Variants in CHRM3 observed in about 807,000 individuals in gnomAD.
The protein encoded by CHRM3 is cholinergic receptor muscarinic 3, also known as muscarinic acetylcholine receptor M3.
CHRM3 carries 11 observed loss-of-function variants against 41.8 expected under a neutral mutation model. The ratio of observed to expected loss-of-function variants is 0.26; its 90% confidence interval spans 0.17 to 0.44. The LOEUF is 0.44. CHRM3 is among the 20% of genes least tolerant of loss of function. CHRM3 has a pLI of 1.00. For synonymous variants in CHRM3, 297 were observed against 301.4 expected (o/e 0.99, Z 0.15); for missense variants, 571 against 745.4 (o/e 0.77, Z 2.72).
intron 2 of CHRM3, among the ~76,000 whole-genome samples, chr1:239,533,731 CAAA>C (rs61441846): frequency 2.7e-5 from 1 of 37,062 alleles, no homozygotes. Context: ...AACTCTGTCT[CAAA>C]AAAAAAAAAA....
At chr1:239,617,336 T>C (rs900356581) in intron 3 of CHRM3, among the ~76,000 whole-genome samples, 2 of 152,168 alleles carry the variant, frequency 1.3e-5, no homozygotes, top group Non-Finnish European at 2.9e-5. Flanking sequence ...TAGTGTCTTG[T>C]GATTGCTTGA....
chr1:239,740,154 T>C (rs189308471), intron 5 of CHRM3, among the ~76,000 whole-genome samples: 2 of 152,284 alleles, frequency 1.3e-5, no homozygotes, highest in Admixed American at 1.3e-4. Flanking sequence ...TTCCACTTCC[T>C]GTCATACAAC....
At chr1:239,835,310 C>T (rs1236379343) in intron 6 of CHRM3, among the ~76,000 whole-genome samples, 2 of 152,138 alleles carry the variant, frequency 1.3e-5, no homozygotes, top group Non-Finnish European at 2.9e-5. Context: ...TTTCTTTCCC[C>T]TTTTCTTATT....
chr1:239,496,016 G>A (rs1667853212), intron 2 of CHRM3, among the ~76,000 whole-genome samples: 2 of 152,022 alleles, frequency 1.3e-5, no homozygotes, highest in Admixed American at 1.3e-4. Flanking sequence ...CTCTGTTCCT[G>A]GTATCTAAAG....
At chr1:239,616,006 G>C (rs1667589598) in intron 3 of CHRM3, among the ~76,000 whole-genome samples, 1 of 152,104 alleles carries the variant, frequency 6.6e-6, no homozygotes, top group Admixed American at 6.6e-5. Flanking sequence ...CTCTATCGTT[G>C]TTTAAAAAAT....
intron 2 of CHRM3, among the ~76,000 whole-genome samples, chr1:239,523,013 T>A (rs555498305): frequency 1.3e-5 from 2 of 152,254 alleles, no homozygotes; most frequent in South Asian, 4.1e-4. Context: ...AGATCAGGCA[T>A]CCTACCTAAG....
chr1:239,479,727 A>G (rs1217346920), intron 1 of CHRM3, among the ~76,000 whole-genome samples: 2 of 152,202 alleles, frequency 1.3e-5, no homozygotes, highest in Non-Finnish European at 2.9e-5. Flanking sequence ...GTATCTGTGT[A>G]TCTCAACATA....
chr1:239,691,798 G>A (rs1425799270), intron 5 of CHRM3, among the ~76,000 whole-genome samples: 1 of 152,108 alleles, frequency 6.6e-6, no homozygotes, highest in Non-Finnish European at 1.5e-5. Context: ...ATATTTTGAT[G>A]TGAAATAGGA....
At chr1:239,844,013 A>C (rs1292700923) in intron 6 of CHRM3, among the ~76,000 whole-genome samples, 3 of 152,188 alleles carry the variant, frequency 2.0e-5, no homozygotes, top group Non-Finnish European at 4.4e-5. Flanking sequence ...ATATGTATAC[A>C]TTGTGAAATG....
chr1:239,458,038 A>T (rs540232801), intron 1 of CHRM3, among the ~76,000 whole-genome samples: 2 of 152,224 alleles, frequency 1.3e-5, no homozygotes, highest in Non-Finnish European at 2.9e-5. Flanking sequence ...GCCACAGGCC[A>T]CAGTGATAGC....
chr1:239,618,941 A>T (rs370745622), intron 3 of CHRM3, among the ~76,000 whole-genome samples: 1 of 148,624 alleles, frequency 6.7e-6, no homozygotes, highest in South Asian at 2.1e-4. Context: ...TTGAGATGGA[A>T]TCTCACTCTG....
At chr1:239,412,491 T>A (rs1661179523) in intron 1 of CHRM3, among the ~76,000 whole-genome samples, 1 of 149,292 alleles carries the variant, frequency 6.7e-6, no homozygotes, top group South Asian at 2.2e-4. Flanking sequence ...ATTGTCCCTT[T>A]TCTCCAGAGT....
chr1:239,867,250 T>C (rs1227180263), intron 6 of CHRM3, among the ~76,000 whole-genome samples: 1 of 152,248 alleles, frequency 6.6e-6, no homozygotes, highest in African/African-American at 2.4e-5. Flanking sequence ...AAATGAAGAT[T>C]GTGCTGAGGA....
intron 3 of CHRM3, among the ~76,000 whole-genome samples, chr1:239,551,653 T>A (rs1339053344): frequency 6.6e-6 from 1 of 152,176 alleles, no homozygotes; most frequent in Non-Finnish European, 1.5e-5. Flanking sequence ...ATCATACAAT[T>A]GTAACATGAA....
intron 6 of CHRM3, among the ~76,000 whole-genome samples, chr1:239,845,220 G>A (rs575011087): frequency 3.9e-5 from 6 of 152,146 alleles, no homozygotes; most frequent in Non-Finnish European, 8.8e-5. Flanking sequence ...TCCTTTCTGA[G>A]GTGTTCAGGG....
At chr1:239,539,756 G>T (rs963737085) in intron 2 of CHRM3, among the ~76,000 whole-genome samples, 1 of 151,080 alleles carries the variant, frequency 6.6e-6, no homozygotes, top group African/African-American at 2.4e-5. Context: ...TCAGCCTCCT[G>T]AGTAGGTGGG....
chr1:239,628,987 C>T (rs1437325421), intron 3 of CHRM3: 1 of 48,986 alleles, frequency 2.0e-5, no homozygotes, highest in Admixed American at 2.2e-4. Flanking sequence ...GAGGTGGAGC[C>T]TACAGAGGCA....
chr1:239,682,776 A>T (rs1209759272), intron 5 of CHRM3, among the ~76,000 whole-genome samples: 2 of 152,168 alleles, frequency 1.3e-5, no homozygotes, highest in African/African-American at 4.8e-5. Context: ...TCAAAAATAT[A>T]TGTTTGTTAA....
chr1:239,842,540 T>C (rs1673902889), intron 6 of CHRM3, among the ~76,000 whole-genome samples: 1 of 152,134 alleles, frequency 6.6e-6, no homozygotes, highest in Non-Finnish European at 1.5e-5. Flanking sequence ...CAGCAGCCCT[T>C]CTTTCTTAAT....
Sources: allele counts gnomAD v4.1 joint callset (sites outside exome capture counted in the v4.1 genomes callset), GRCh38; gene constraint gnomAD v4.1.1; transcripts MANE v1.5; gene names NCBI Gene and HGNC (gene_info 2026-07-23, HGNC 2026-07-21).